The following ATP6V0A4 variants were observed in gnomAD, a reference collection of about 807,000 sequenced individuals.
ATP6V0A4 encodes the protein ATPase H+ transporting V0 subunit a4.
A neutral mutation model predicts 107.3 loss-of-function variants in ATP6V0A4; 86 were observed. The ratio of observed to expected loss-of-function variants is 0.80; its 90% confidence interval spans 0.67 to 0.96. ATP6V0A4 has a LOEUF of 0.96. Among genes scored for constraint, ATP6V0A4 ranks in the 40% least tolerant of loss-of-function variants. The pLI is 0.00. For missense variants in ATP6V0A4, 908 were observed against 1,045.6 expected, an observed-to-expected ratio of 0.87 and a Z score of 1.81; for synonymous variants, 353 against 381.4, an observed-to-expected ratio of 0.93 and a Z score of 0.87.
At chr7:138,771,345 T>A in intron 2 of ATP6V0A4, 81 bp from the exon 3 acceptor site, 2 of 1,494,574 alleles carry the variant, frequency 1.3e-6, no homozygotes, top group Non-Finnish European at 1.8e-6. Context: ...TTAAGTTAAA[T>A]TAAAATCTAA....
chr7:138,755,252 A>G (rs577940268), intron 10 of ATP6V0A4, among the ~76,000 whole-genome samples: 2 of 152,368 alleles, frequency 1.3e-5, no homozygotes, highest in African/African-American at 4.8e-5. Context: ...ATGAATGTTC[A>G]CATGGTGAAA....
rs376919150 is a variant in ATP6V0A4 at position 138,747,405 on chromosome 7, G to C, written c.1320+20C>G. On this transcript the variant is annotated intron_variant, in intron 13 of 21. Coordinates refer to ENST00000310018, the MANE Select transcript of ATP6V0A4 (RefSeq NM_020632.3). ...ATATTCTGAAAATGAATCAGGGCAA[G>C]ACGGTCAATGGACACTCACCTCATT... 1 of 1,612,410 alleles carries C rather than the reference G, an allele frequency of 6.2e-7. No individual in the cohort carries two copies. Among genetic ancestry groups the C allele is most frequent in the African/African-American group, 1.3e-5 (1 of 74,988 alleles).
At chr7:138,768,659 G>A (rs2117331310) in intron 5 of ATP6V0A4, 121 bp downstream of exon 5, 6 of 1,253,298 alleles carry the variant, frequency 4.8e-6, no homozygotes, top group South Asian at 2.9e-5. Flanking sequence ...CGACCATGCA[G>A]GCCTGCCTCC....
intron 19 of ATP6V0A4, among the ~76,000 whole-genome samples, chr7:138,718,753 A>AG (rs1218034266): frequency 2.1e-5 from 3 of 142,940 alleles, no homozygotes; most frequent in African/African-American, 8.0e-5. Context: ...CACTGATGTC[A>AG]GAGGTTATGG....
chr7:138,795,943 A>G (rs543536403), intron 1 of ATP6V0A4, among the ~76,000 whole-genome samples: 1 of 152,244 alleles, frequency 6.6e-6, no homozygotes, highest in African/African-American at 2.4e-5. Flanking sequence ...GCGTGTGCCA[A>G]TATGCCTGGT....
chr7:138,773,235 T>G lies in ATP6V0A4; in HGVS notation c.-17-1971A>C, dbSNP rs1456671256. On this transcript the variant is annotated intron_variant, in intron 2 of 21. Transcript: ENST00000310018. This position sits in a 1 kb window ranked among gnomAD's most constrained non-coding sequence, Gnocchi z 5.4. The stretch of plus-strand genomic sequence containing the variant: ...CCTCCTCTGTGTCCTCCTCCAGCTT[T>G]GGCCTCTCCAGGGACCCTGCATTTC... Among the ~76,000 whole-genome samples the G allele has an allele frequency of 6.6e-6, 1 of 152,170 alleles. No homozygotes were observed. Among genetic ancestry groups the G allele is most frequent in the African/African-American group, 2.4e-5 (1 of 41,446 alleles).
At chr7:138,756,362 C>A (rs1480083250) in intron 9 of ATP6V0A4, 96 bp downstream of exon 9, 2 of 1,592,328 alleles carry the variant, frequency 1.3e-6, no homozygotes, top group African/African-American at 2.7e-5. Context: ...CCTTACTGAC[C>A]TCTAGAAGCC....
chr7:138,762,185 T>G (rs1308022454), intron 7 of ATP6V0A4, among the ~76,000 whole-genome samples, 155 bp downstream of exon 7: 1 of 152,052 alleles, frequency 6.6e-6, no homozygotes, highest in Non-Finnish European at 1.5e-5. Context: ...TCCACCAACC[T>G]AGTAAGTTAC....
At chr7:138,784,965 GGCTTCCTGTGTT>G (rs1808113153) in intron 2 of ATP6V0A4, among the ~76,000 whole-genome samples, 1 of 152,020 alleles carries the variant, frequency 6.6e-6, no homozygotes, top group Non-Finnish European at 1.5e-5. Context: ...TTTAACACAG[GGCTTCCTGTGTT>G]CTCATATCCT....
chr7:138,784,279 T>C (rs867930186), intron 2 of ATP6V0A4, among the ~76,000 whole-genome samples: 855 of 35,666 alleles, frequency 0.024, 31 homozygotes, highest in African/African-American at 0.074. Context: ...TATATATATA[T>C]ACATATATAT....
intron 8 of ATP6V0A4, 68 bp from the exon 9 acceptor site, chr7:138,756,608 A>C (rs950396643): frequency 1.3e-6 from 2 of 1,559,380 alleles, no homozygotes; most frequent in African/African-American, 2.7e-5. Context: ...AATAGAGAGA[A>C]ATGTAAAGTC....
intron 7 of ATP6V0A4, among the ~76,000 whole-genome samples, chr7:138,760,170 G>A (rs192178106): frequency 3.9e-5 from 6 of 152,182 alleles, no homozygotes; most frequent in East Asian, 1.9e-4. Context: ...ATGGCCAGGC[G>A]CCGTGGCTCA....
chr7:138,788,222 A>G (rs1808254535), intron 1 of ATP6V0A4, among the ~76,000 whole-genome samples: 1 of 152,230 alleles, frequency 6.6e-6, no homozygotes, highest in Non-Finnish European at 1.5e-5. Flanking sequence ...ACTTTAGCTT[A>G]AAGTTACTCT....
intron 21 of ATP6V0A4, 53 bp downstream of exon 21, chr7:138,709,571 C>G: frequency 6.4e-7 from 1 of 1,573,826 alleles, no homozygotes; most frequent in Non-Finnish European, 8.7e-7. Flanking sequence ...GGCCCCACAG[C>G]CCACTCCCTT....
Position 138,771,265 on chromosome 7 carries a change from C to A in ATP6V0A4, c.-17-1G>T. Reference sequence around the variant, plus strand: ...GACACCATCTTGGCCCAGCCTCGGTCTACAGGAGAAAAAGAAAAAGATATT... The same window carrying A: ...GACACCATCTTGGCCCAGCCTCGGTATACAGGAGAAAAAGAAAAAGATATT... On this transcript the variant is annotated splice_acceptor_variant, in intron 2 of 21. Coordinates refer to ENST00000310018, the MANE Select transcript of ATP6V0A4 (RefSeq NM_020632.3). LOFTEE classifies it low-confidence loss of function (5UTR_SPLICE). 1 of 1,612,236 alleles carries A rather than the reference C, an allele frequency of 6.2e-7. No individual in the cohort carries two copies. Among genetic ancestry groups the A allele is most frequent in the South Asian group, 1.1e-5 (1 of 91,028 alleles).
chr7:138,732,851 T>TAA (rs57692175), intron 17 of ATP6V0A4, 26 bp downstream of exon 17: 17,418 of 1,379,972 alleles, frequency 0.013, 3 homozygotes, highest in South Asian at 0.016. Flanking sequence ...AAAAGAAGAG[T>TAA]AAAAAAAAAA....
In ATP6V0A4 at chr7:138,720,958, A is replaced by G. The variant is rs944369822; in HGVS notation, c.2139+939T>C. On this transcript the variant is annotated intron_variant, in intron 19 of 21. Coordinates refer to ENST00000310018, the MANE Select transcript of ATP6V0A4 (RefSeq NM_020632.3). ...GGCTATCAAGAGAAAACTTTTTAAA[A>G]TAAGCAATTAACACCACAAATGGAG... 3.3e-5 allele frequency among the ~76,000 whole-genome samples: 5 copies of G among 152,308 alleles called. No homozygotes were observed. In the East Asian group the frequency reaches 9.7e-4, roughly 29 times the overall value.
chr7:138,798,109 A>G lies in ATP6V0A4; in HGVS notation c.-196T>C. On this transcript the variant is annotated 5_prime_UTR_variant, in exon 1 of 22. Transcript: ENST00000310018. ...GCACTCAGCACAGCCTCCAGCATGCAGCGCCTCCCCGCTGCCACCCGGGCC... is the reference window on the plus strand; with the variant it reads ...GCACTCAGCACAGCCTCCAGCATGCGGCGCCTCCCCGCTGCCACCCGGGCC... 1 of 1,597,462 alleles carries G rather than the reference A, an allele frequency of 6.3e-7. No homozygotes were observed. Among genetic ancestry groups the G allele is most frequent in the Non-Finnish European group, 8.5e-7 (1 of 1,172,712 alleles).
intron 11 of ATP6V0A4, among the ~76,000 whole-genome samples, chr7:138,751,485 G>A (rs1806222480): frequency 6.6e-6 from 1 of 151,532 alleles, no homozygotes; most frequent in South Asian, 2.1e-4. Flanking sequence ...ACGGTGATCA[G>A]AACAAGCCCC....
Sources: gnomAD v4.1 joint callset for allele counts (sites outside exome capture counted in the v4.1 genomes callset) on GRCh38, gnomAD v4.1.1 for gene constraint, Gnocchi (gnomAD v3.1) non-coding constraint, MANE v1.5 for transcripts, NCBI Gene and HGNC (gene_info 2026-07-23, HGNC 2026-07-21) for gene names.